THSD7B: variants seen among roughly 807,000 people sequenced by gnomAD.
THSD7B encodes thrombospondin type-1 domain-containing protein 7B.
A neutral mutation model predicts 213.6 loss-of-function variants in THSD7B; 138 were observed. The observed-to-expected ratio is 0.65, with a 90% CI of 0.56 to 0.74. The LOEUF (loss-of-function observed/expected upper bound fraction) is 0.74. Among genes scored for constraint, THSD7B ranks in the 30% least tolerant of loss-of-function variants. The pLI is 0.00. For missense variants in THSD7B, 1,931 were observed against 1,991.5 expected (o/e 0.97, Z 0.58); for synonymous variants, 742 against 687.0 (o/e 1.08, Z -1.25).
chr2:136,878,934 G>A (rs1683570562), intron 1 of THSD7B, among the ~76,000 whole-genome samples: 1 of 152,166 alleles, frequency 6.6e-6, no homozygotes, highest in Admixed American at 6.5e-5. Context: ...GATCCCATTT[G>A]TCAATTTTGG....
intron 1 of THSD7B, among the ~76,000 whole-genome samples, chr2:136,808,649 TGA>T (rs1212436469): frequency 6.6e-6 from 1 of 152,242 alleles, no homozygotes; most frequent in Non-Finnish European, 1.5e-5. Flanking sequence ...TGGCAATGAA[TGA>T]GAGTTCTTGT....
rs377427798 is a variant in THSD7B, at chr2:136,932,175, TCAA to T, written c.139+49861_139+49863del. On this transcript the variant is annotated intron_variant, in intron 2 of 27. Coordinates refer to ENST00000409968, the MANE Select transcript of THSD7B (RefSeq NM_001316349.2). ...ATTTACCTGAAATTCAAACCTAAAC[TCAA>T]CAGTCAATTTTTAGCTCATTGTAGA... 3.7e-4 allele frequency among the ~76,000 whole-genome samples: 56 copies of T among 152,068 alleles called. 2 individuals carry two copies. The East Asian group carries it at 7.3e-3, about 20-fold the overall frequency.
In THSD7B at chr2:137,131,253, G is replaced by T. The variant is rs1299709867; in HGVS notation, c.1369+15960G>T. On this transcript the variant is annotated intron_variant, in intron 5 of 27. Coordinates refer to ENST00000409968, the MANE Select transcript of THSD7B (RefSeq NM_001316349.2). Reference sequence around the variant, plus strand: ...TTGTTTTTTTCTTGTAAATTTGTTTGAGTTCATTGTAGATTCTGGATATTA... The same window carrying T: ...TTGTTTTTTTCTTGTAAATTTGTTTTAGTTCATTGTAGATTCTGGATATTA... Among the ~76,000 whole-genome samples, 3 of 150,534 alleles carry T rather than the reference G, an allele frequency of 2.0e-5. No individual in the cohort carries two copies. In the East Asian group the frequency reaches 5.9e-4, roughly 29 times the overall value.
chr2:137,048,496 T>C (rs1687008745), intron 2 of THSD7B, among the ~76,000 whole-genome samples: 1 of 152,212 alleles, frequency 6.6e-6, no homozygotes. Context: ...CATGTATCTG[T>C]TACAGTGGTT....
intron 1 of THSD7B, among the ~76,000 whole-genome samples, chr2:136,837,741 A>G (rs969990180): frequency 2.0e-5 from 3 of 152,176 alleles, no homozygotes; most frequent in Non-Finnish European, 4.4e-5. Flanking sequence ...ATGGAATTAC[A>G]TTCATCTTTT....
chr2:137,077,202 T>C (rs1314856072), intron 3 of THSD7B, among the ~76,000 whole-genome samples: 22 of 152,086 alleles, frequency 1.4e-4, no homozygotes, highest in Admixed American at 1.4e-3. Context: ...ATATGTGCCA[T>C]CTTTTCTTAA....
intron 2 of THSD7B, among the ~76,000 whole-genome samples, chr2:136,896,081 C>T (rs1683955568): frequency 6.6e-6 from 1 of 152,134 alleles, no homozygotes; most frequent in Admixed American, 6.5e-5. Flanking sequence ...TTGGCATAGA[C>T]ATATGCTTTC....
At chr2:137,442,218 G>A (rs114168439) in intron 14 of THSD7B, among the ~76,000 whole-genome samples, 4,696 of 152,036 alleles carry the variant, frequency 0.031, 213 homozygotes, top group African/African-American at 0.1. Flanking sequence ...ATATATATAA[G>A]CTCAACTTTC....
intron 17 of THSD7B, among the ~76,000 whole-genome samples, chr2:137,601,354 A>G (rs563238074): frequency 2.6e-5 from 4 of 152,266 alleles, no homozygotes; most frequent in Admixed American, 1.3e-4. Flanking sequence ...GAGGTGTACC[A>G]TTTTTTAAAT....
intron 1 of THSD7B, among the ~76,000 whole-genome samples, chr2:136,875,816 T>A (rs535739022): frequency 2.0e-5 from 3 of 152,342 alleles, no homozygotes; most frequent in South Asian, 2.1e-4. Context: ...TAAGACAATG[T>A]TAATGTGGCT....
At chr2:137,276,450 T>G (rs1263279300) in intron 12 of THSD7B, among the ~76,000 whole-genome samples, 1 of 152,138 alleles carries the variant, frequency 6.6e-6, no homozygotes, top group African/African-American at 2.4e-5. Flanking sequence ...TTAATGATCA[T>G]AGGATATGTC....
chr2:136,954,737 AATTAC>A (rs1685096572), intron 2 of THSD7B, among the ~76,000 whole-genome samples: 4 of 139,462 alleles, frequency 2.9e-5, no homozygotes, highest in East Asian at 4.3e-4. Flanking sequence ...AAAAAAAAGA[AATTAC>A]ATAAGAGCTT....
intron 1 of THSD7B, among the ~76,000 whole-genome samples, chr2:136,851,933 C>CTATATATATATATATATA (rs35929047): frequency 4.1e-5 from 6 of 148,050 alleles, no homozygotes; most frequent in African/African-American, 1.5e-4. Context: ...CAATACACAA[C>CTATATATATATATATATA]TATATATATA....
At chr2:137,250,797 G>T (rs149605499) in intron 10 of THSD7B, among the ~76,000 whole-genome samples, 10 of 152,246 alleles carry the variant, frequency 6.6e-5, no homozygotes, top group African/African-American at 2.4e-4. Flanking sequence ...TATGGAAGAA[G>T]GCAAGAAAAG....
At chr2:137,556,346 A>T (rs995289914) in intron 15 of THSD7B, among the ~76,000 whole-genome samples, 30 of 152,304 alleles carry the variant, frequency 2.0e-4, no homozygotes, top group South Asian at 1.2e-3. Flanking sequence ...CTGATCTCTC[A>T]GCAGAAACTC....
intron 17 of THSD7B, among the ~76,000 whole-genome samples, chr2:137,604,677 A>G (rs960360753): frequency 1.3e-5 from 2 of 152,202 alleles, no homozygotes; most frequent in African/African-American, 4.8e-5. Context: ...GATGAGTCAT[A>G]CTGGGCATAG....
chr2:137,349,585 C>CT (rs1231142542), intron 12 of THSD7B, among the ~76,000 whole-genome samples: 1 of 151,862 alleles, frequency 6.6e-6, no homozygotes, highest in Non-Finnish European at 1.5e-5. Context: ...GTCTGACTCA[C>CT]TTAGAATTAT....
intron 1 of THSD7B, among the ~76,000 whole-genome samples, chr2:136,875,863 T>G (rs762838522): frequency 6.6e-6 from 1 of 152,230 alleles, no homozygotes; most frequent in Non-Finnish European, 1.5e-5. Context: ...GATGCAAAAT[T>G]CAACATCTTT....
At position 137,147,432 on chromosome 2, in the gene THSD7B, G is replaced by A. The variant is rs116375174; in HGVS notation, c.1370-12781G>A. Reference sequence around the variant, plus strand: ...TAAAGTAGCATACGCTAACAAGGACGTCAGTTACAATGAGGCCTTCATTAC... The same window carrying A: ...TAAAGTAGCATACGCTAACAAGGACATCAGTTACAATGAGGCCTTCATTAC... On this transcript the variant is annotated intron_variant, in intron 5 of 27. Transcript: ENST00000409968. 3.0e-3 allele frequency among the ~76,000 whole-genome samples: 456 copies of A among 151,452 alleles called. 3 individuals carry two copies. Among genetic ancestry groups the A allele is most frequent in the African/African-American group, 0.01 (426 of 41,276 alleles).
Sources: gnomAD v4.1 joint callset for allele counts (sites outside exome capture counted in the v4.1 genomes callset) on GRCh38, gnomAD v4.1.1 for gene constraint, MANE v1.5 for transcripts, NCBI Gene and HGNC (gene_info 2026-07-23, HGNC 2026-07-21) for gene names.